ADAM17: variants seen among roughly 807,000 people sequenced by gnomAD.
ADAM17 encodes ADAM metallopeptidase domain 17, also known as disintegrin and metalloproteinase domain-containing protein 17.
ADAM17 carries 39 observed loss-of-function variants against 96.7 expected under a neutral mutation model. That is an observed-to-expected ratio of 0.40 (90% CI 0.31 to 0.53). The LOEUF (loss-of-function observed/expected upper bound fraction) is 0.53. ADAM17 is among the 20% of genes least tolerant of loss of function. The pLI, the probability that ADAM17 is intolerant of heterozygous loss-of-function variation, is 0.44. For synonymous variants in ADAM17, 344 were observed against 359.2 expected, an observed-to-expected ratio of 0.96 and a Z score of 0.48; for missense variants, 777 against 1,013.2, an observed-to-expected ratio of 0.77 and a Z score of 3.17.
chr2:9,514,546 T>TATA (rs1663945296), intron 10 of ADAM17, among the ~76,000 whole-genome samples: 1 of 50,376 alleles, frequency 2.0e-5, no homozygotes, highest in Non-Finnish European at 5.1e-5. Flanking sequence ...TATATATATA[T>TATA]ATATATATAT....
Position 9,497,099 on chromosome 2 carries a change from A to C in ADAM17, c.1783+15T>G, listed in dbSNP as rs2124976317. ...TGTTTTCTCCTGCTGCTGGACTGGG[A>C]ATAAAACTGCTCACCATTACATGCA... On this transcript the variant is annotated intron_variant, in intron 14 of 18. Coordinates refer to ENST00000310823, the MANE Select transcript of ADAM17 (RefSeq NM_003183.6). 2 of 1,612,436 alleles carry C rather than the reference A, an allele frequency of 1.2e-6. No individual in the cohort carries two copies. Among genetic ancestry groups the C allele is most frequent in the Non-Finnish European group, 1.7e-6 (2 of 1,179,284 alleles).
At chr2:9,544,955 G>A (rs778363772) in intron 1 of ADAM17, among the ~76,000 whole-genome samples, 3 of 152,182 alleles carry the variant, frequency 2.0e-5, no homozygotes, top group Non-Finnish European at 2.9e-5. Context: ...TCTCAGTGCT[G>A]AAATGCAATA....
chr2:9,513,720 G>GA (rs1240431514), intron 10 of ADAM17, among the ~76,000 whole-genome samples: 1 of 151,862 alleles, frequency 6.6e-6, no homozygotes, highest in African/African-American at 2.4e-5. Flanking sequence ...AGTACCATAA[G>GA]AAAAAAATAA....
intron 1 of ADAM17, among the ~76,000 whole-genome samples, chr2:9,550,439 CTTTTTTT>C (rs35602755): frequency 6.7e-5 from 5 of 74,164 alleles, no homozygotes; most frequent in Admixed American, 4.9e-4. Flanking sequence ...GATACTCATT[CTTTTTTT>C]TTTTTTTTTT....
At chr2:9,531,060 C>T (rs1395764955) in intron 4 of ADAM17, among the ~76,000 whole-genome samples, 3 of 152,106 alleles carry the variant, frequency 2.0e-5, no homozygotes, top group Non-Finnish European at 4.4e-5. Flanking sequence ...CAGGTTCAAG[C>T]GATTCTCCCA....
chr2:9,535,178 C>T (rs1160611901), intron 4 of ADAM17, among the ~76,000 whole-genome samples: 1 of 152,236 alleles, frequency 6.6e-6, no homozygotes, highest in Non-Finnish European at 1.5e-5. Context: ...TTTGACCAAT[C>T]TTACTCAGTT....
In ADAM17 at chr2:9,510,133, T is replaced by A; in HGVS notation, c.1192-2A>T. On this transcript the variant is annotated splice_acceptor_variant, in intron 10 of 18. Coordinates refer to ENST00000310823, the MANE Select transcript of ADAM17 (RefSeq NM_003183.6). LOFTEE classifies it high-confidence loss of function. Reference sequence around the variant, plus strand: ...ATGAGTTGTAACCAGGTCAGCTTCCTTAAGGATCATGCAAAGAAAACATTA... The same window carrying A: ...ATGAGTTGTAACCAGGTCAGCTTCCATAAGGATCATGCAAAGAAAACATTA... 1 of 1,614,054 alleles carries A rather than the reference T, an allele frequency of 6.2e-7. No individual in the cohort carries two copies. The highest frequency in any genetic ancestry group is 1.1e-5 in the South Asian group (1 of 91,076).
chr2:9,550,597 C>G (rs987636412), intron 1 of ADAM17, among the ~76,000 whole-genome samples: 8 of 151,850 alleles, frequency 5.3e-5, no homozygotes, highest in African/African-American at 1.9e-4. Context: ...AGGCACGCAC[C>G]ACCACGCCTG....
In ADAM17 at chr2:9,535,847, T is replaced by C; in HGVS notation, c.437A>G (p.Glu146Gly). The change falls in exon 4 of 19, where the codon GAA becomes GGA. Residue 146 changes from glutamate (E) to glycine (G), a missense_variant. By Grantham distance (98) the Glu-to-Gly change is moderately conservative. Transcript: ENST00000310823. ...ATATAAATTTACCTCTATGTTATAT[T>C]CGGCCCCATCTGTGTTGATTCTGAT... ...VIIRINTDGA[E>G]YNIEPLWRFV... 4 of 1,598,804 alleles carry C rather than the reference T, an allele frequency of 2.5e-6. No homozygotes were observed. Among genetic ancestry groups the C allele is most frequent in the Non-Finnish European group, 3.4e-6 (4 of 1,171,696 alleles).
intron 4 of ADAM17, among the ~76,000 whole-genome samples, chr2:9,533,871 A>G (rs1182238751): frequency 6.6e-6 from 1 of 152,208 alleles, no homozygotes; most frequent in Non-Finnish European, 1.5e-5. Context: ...ACAGGAGAGT[A>G]AGAAAAAACT....
rs749866093 is a variant in ADAM17, at chr2:9,502,211, G to A, written c.1610C>T (p.Ala537Val). The change falls in exon 13 of 19, where the codon GCG becomes GTG. Residue 537 changes from alanine to valine, a missense_variant. Ala to Val is a moderately conservative substitution (Grantham distance 64, BLOSUM62 0). Coordinates refer to ENST00000310823, the MANE Select transcript of ADAM17 (RefSeq NM_003183.6). ...FETAQKKCQEAINATCKGVSY... is the reference protein window; with the variant it reads ...FETAQKKCQEVINATCKGVSY... The stretch of plus-strand genomic sequence containing the variant: ...CACGCCTTTGCAAGTAGCATTAATC[G>A]CCTCCTGGCACTTCTTCTGGGCAGT... The A allele has an allele frequency of 3.7e-6, 6 of 1,614,000 alleles. No individual in the cohort carries two copies. Among genetic ancestry groups the A allele is most frequent in the Middle Eastern group, 1.6e-4 (1 of 6,062 alleles).
In ADAM17 at chr2:9,490,568, A is replaced by G. The variant is rs551592742; in HGVS notation, c.2134-50T>C. 7.5e-5 allele frequency: 113 copies of G among 1,515,354 alleles called. 2 individuals are homozygous for G. In the South Asian group the frequency reaches 1.4e-3, roughly 18 times the overall value. 93.9% of individuals were successfully genotyped at this position (1,515,354 alleles called of 1,614,324 possible). ...TTGATAGGAATAAAAGATGAATCGG[A>G]GGTCCTCACAGCTCCACCCTTACCC... On this transcript the variant is annotated intron_variant, in intron 18 of 18. Transcript: ENST00000310823.
chr2:9,510,039 G>T lies in ADAM17; in HGVS notation c.1284C>A (p.Asp428Glu), dbSNP rs959042764. ...GATACATGACATATTTCCCTCCCTG[G>T]TCCTCATTCGGGGCACATTCTGCTA... Reference protein sequence around the residue: ...DGLAECAPNEDQGGKYVMYPI... With the variant: ...DGLAECAPNEEQGGKYVMYPI... Residue 428 changes from aspartate to glutamate, a missense_variant, in exon 11 of 19, where the codon GAC becomes GAA. Physicochemically the swap from Asp to Glu is conservative, Grantham distance 45 (BLOSUM62 2). Around this residue, in one of 3 missense-constraint regions of ADAM17, gnomAD observed 446 missense variants for 664.7 expected, o/e 0.67. Transcript: ENST00000310823. 7 of 1,613,900 alleles carry T rather than the reference G, an allele frequency of 4.3e-6. No homozygotes were observed. Among genetic ancestry groups the T allele is most frequent in the Non-Finnish European group, 5.9e-6 (7 of 1,180,010 alleles).
chr2:9,497,593 C>T (rs58071331), intron 13 of ADAM17, among the ~76,000 whole-genome samples: 9,668 of 152,294 alleles, frequency 0.063, 1,090 homozygotes, highest in African/African-American at 0.22. Context: ...AAGAACTCCA[C>T]GGCCTTCCCT....
At chr2:9,549,466 C>G (rs1236027845) in intron 1 of ADAM17, among the ~76,000 whole-genome samples, 1 of 152,172 alleles carries the variant, frequency 6.6e-6, no homozygotes, top group Non-Finnish European at 1.5e-5. Flanking sequence ...AACCGTCCCA[C>G]ACGTATTTAA....
At chr2:9,500,558 A>C (rs554728753) in intron 13 of ADAM17, among the ~76,000 whole-genome samples, 1 of 152,376 alleles carries the variant, frequency 6.6e-6, no homozygotes, top group African/African-American at 2.4e-5. Context: ...ATGAGTGTGA[A>C]TTATGTATCA....
At position 9,518,259 on chromosome 2, in the gene ADAM17, CAAAAAAAAAAA is replaced by C. The variant is rs34863481; in HGVS notation, c.958-23_958-13del. The stretch of plus-strand genomic sequence containing the variant: ...TCAAAGCTAAATTGCTTTGAAAGAC[CAAAAAAAAAAA>C]AAAAAAAAAAAGCATTCTTAGATTA... On this transcript the variant is annotated splice_polypyrimidine_tract_variant and intron_variant, in intron 8 of 18. Transcript: ENST00000310823. The C allele has an allele frequency of 1.1e-5, 9 of 817,326 alleles. No homozygotes were observed. The highest frequency in any genetic ancestry group is 5.4e-4 in the Middle Eastern group (1 of 1,842). The allele number at this position is 817,326 out of a possible 1,614,324, so 50.6% of individuals were successfully genotyped here.
intron 1 of ADAM17, among the ~76,000 whole-genome samples, chr2:9,550,037 T>C (rs1314549736): frequency 6.6e-6 from 1 of 152,092 alleles, no homozygotes; most frequent in Non-Finnish European, 1.5e-5. Flanking sequence ...TGCTGTGAAG[T>C]GTTTATTGTG....
chr2:9,508,901 A>C (rs534497244), intron 11 of ADAM17, among the ~76,000 whole-genome samples: 8 of 152,192 alleles, frequency 5.3e-5, no homozygotes, highest in Non-Finnish European at 1.0e-4. Flanking sequence ...CAAGCAGAGG[A>C]AAAATAAAAC....
Sources: allele counts gnomAD v4.1 joint callset (sites outside exome capture counted in the v4.1 genomes callset), GRCh38; gene constraint gnomAD v4.1.1; regional missense constraint gnomAD v4.1.1; transcripts MANE v1.5; gene names NCBI Gene and HGNC (gene_info 2026-07-23, HGNC 2026-07-21).